CSMD1: variants seen among roughly 807,000 people sequenced by gnomAD.
CSMD1 encodes the protein CUB and sushi domain-containing protein 1.
A neutral mutation model predicts 417.5 loss-of-function variants in CSMD1; 213 were observed. The observed-to-expected ratio is 0.51, with a 90% confidence interval of 0.46 to 0.57. The LOEUF is 0.57. Ranked by LOEUF, CSMD1 falls within the 20% of genes least tolerant of loss-of-function variation. The probability of loss-of-function intolerance (pLI) is 0.00; values close to 1 mark genes in which losing one functional copy is unlikely to be tolerated. For missense variants in CSMD1, 6,923 were observed against 4,529.7 expected (o/e 1.53, Z -15.17); for synonymous variants, 2,862 against 1,736.8 (o/e 1.65, Z -16.11).
chr8:4,723,801 C>A (rs73174096), intron 1 of CSMD1, among the ~76,000 whole-genome samples: 4,249 of 96,364 alleles, frequency 0.044, 170 homozygotes, highest in East Asian at 0.12. Context: ...AAAAAAAAAA[C>A]AAAAAAAAAA....
chr8:3,872,072 C>T (rs1162573313), intron 5 of CSMD1, among the ~76,000 whole-genome samples: 1 of 152,190 alleles, frequency 6.6e-6, no homozygotes, highest in Non-Finnish European at 1.5e-5. Context: ...ATACAACCTG[C>T]TGAAAGGCCA....
intron 14 of CSMD1, 139 bp from the exon 15 acceptor site, chr8:3,406,360 A>G: frequency 6.7e-6 from 1 of 150,066 alleles, no homozygotes; most frequent in Non-Finnish European, 1.1e-5. Flanking sequence ...TGTATCATTC[A>G]TAGATAGATA....
intron 1 of CSMD1, among the ~76,000 whole-genome samples, chr8:4,907,633 C>G (rs1298295722): frequency 3.9e-5 from 6 of 152,054 alleles, no homozygotes; most frequent in African/African-American, 4.8e-5. Context: ...AAACATGGCT[C>G]ACTGCAGCCT....
intron 1 of CSMD1, among the ~76,000 whole-genome samples, chr8:4,915,230 A>ATAT (rs552566525): frequency 6.6e-6 from 1 of 152,022 alleles, no homozygotes. Flanking sequence ...CATATATATA[A>ATAT]AATATGTATA....
At chr8:3,996,342 A>G (rs781511412) in intron 5 of CSMD1, among the ~76,000 whole-genome samples, 7 of 152,234 alleles carry the variant, frequency 4.6e-5, no homozygotes, top group Non-Finnish European at 7.3e-5. Context: ...TCTGAAAACC[A>G]CAATAATTTT....
chr8:3,701,614 T>A (rs2129037194), intron 7 of CSMD1, among the ~76,000 whole-genome samples: 1 of 152,218 alleles, frequency 6.6e-6, no homozygotes, highest in African/African-American at 2.4e-5. Flanking sequence ...CAACTAAAAC[T>A]ACGAATATTA....
intron 10 of CSMD1, among the ~76,000 whole-genome samples, chr8:3,554,502 G>C (rs559719043): frequency 1.6e-4 from 24 of 152,282 alleles, no homozygotes; most frequent in African/African-American, 5.5e-4. Context: ...AGGGAAGCAA[G>C]GCCACATAAA....
intron 10 of CSMD1, among the ~76,000 whole-genome samples, chr8:3,571,598 C>A (rs1181731734): frequency 1.3e-5 from 2 of 152,086 alleles, no homozygotes; most frequent in Non-Finnish European, 2.9e-5. Context: ...CTACTGGAGG[C>A]AGCTGCAGGG....
intron 3 of CSMD1, among the ~76,000 whole-genome samples, chr8:4,147,700 G>A (rs962414399): frequency 6.6e-6 from 1 of 152,080 alleles, no homozygotes; most frequent in Non-Finnish European, 1.5e-5. Context: ...ACATCACCAT[G>A]GTCAGGTTTC....
chr8:3,268,434 G>A (rs1801596310), intron 26 of CSMD1, among the ~76,000 whole-genome samples: 3 of 151,494 alleles, frequency 2.0e-5, no homozygotes, highest in Admixed American at 1.3e-4. Context: ...GACTACAGGT[G>A]CCCGCCACCA....
chr8:3,443,008 T>C (rs896857599), intron 12 of CSMD1, among the ~76,000 whole-genome samples: 3 of 152,228 alleles, frequency 2.0e-5, no homozygotes, highest in Non-Finnish European at 4.4e-5. Flanking sequence ...TATAGGAACT[T>C]GCATATTTCT....
chr8:3,628,659 T>C (rs982016262), intron 7 of CSMD1, among the ~76,000 whole-genome samples: 2 of 151,952 alleles, frequency 1.3e-5, no homozygotes, highest in African/African-American at 2.4e-5. Flanking sequence ...GGCATGGGCA[T>C]CCTCACAGGC....
intron 1 of CSMD1, among the ~76,000 whole-genome samples, chr8:4,757,446 A>C (rs747237198): frequency 2.0e-5 from 3 of 152,156 alleles, no homozygotes; most frequent in Non-Finnish European, 4.4e-5. Flanking sequence ...GGAGAGCAGG[A>C]AGGTTAACTG....
rs984376044 is a variant in CSMD1 at position 4,385,175 on chromosome 8, G to A, written c.415+34778C>T. 1.7e-4 allele frequency among the ~76,000 whole-genome samples: 25 copies of A among 150,304 alleles called. 1 individual carries two copies. Among genetic ancestry groups the A allele is most frequent in the Admixed American group, 2.7e-4 (4 of 15,074 alleles). ...CTCCTGACCTCAGGTGATCCTCCCCGTCTCGGCGTCTTAAAGTGATGTGAT... is the reference window on the plus strand; with the variant it reads ...CTCCTGACCTCAGGTGATCCTCCCCATCTCGGCGTCTTAAAGTGATGTGAT... On this transcript the variant is annotated intron_variant, in intron 3 of 69. Coordinates refer to ENST00000635120, the MANE Select transcript of CSMD1 (RefSeq NM_033225.6).
rs182197477 is a variant in CSMD1 at position 3,901,353 on chromosome 8, A to C, written c.818+96550T>G. Among the ~76,000 whole-genome samples the C allele has an allele frequency of 1.8e-3, 268 of 152,252 alleles. 2 individuals carry two copies. Among genetic ancestry groups the C allele is most frequent in the Non-Finnish European group, 1.6e-3 (112 of 68,028 alleles). On this transcript the variant is annotated intron_variant, in intron 5 of 69. Transcript: ENST00000635120. ...CCCAATCTCCAATTTAATTTTTTTC[A>C]AAGTGTGTTGATTGGAAGTGAAGAT...
intron 18 of CSMD1, among the ~76,000 whole-genome samples, chr8:3,386,468 A>T (rs1811010253): frequency 6.6e-6 from 1 of 152,220 alleles, no homozygotes; most frequent in Non-Finnish European, 1.5e-5. Flanking sequence ...TCTCGGCCAC[A>T]GTGCCAGTTA....
At chr8:4,559,989 C>T (rs1798258130) in intron 2 of CSMD1, among the ~76,000 whole-genome samples, 1 of 152,208 alleles carries the variant, frequency 6.6e-6, no homozygotes, top group African/African-American at 2.4e-5. Context: ...CACCTCCTGG[C>T]TGTGCTTCAA....
rs143380395 is a variant in CSMD1, at chr8:4,452,597, C to T, written c.303-32532G>A. 5.3e-4 allele frequency among the ~76,000 whole-genome samples: 81 copies of T among 152,020 alleles called. 1 individual carries two copies. The highest frequency in any genetic ancestry group is 6.8e-3 in the Middle Eastern group (2 of 294). On this transcript the variant is annotated intron_variant, in intron 2 of 69. Coordinates refer to ENST00000635120, the MANE Select transcript of CSMD1 (RefSeq NM_033225.6). ...ATATTAAACATCAGAAAACCGGTAA[C>T]GAAAAAGATAATAGTTTTTATGTGA...
chr8:3,942,379 C>G (rs1810941878), intron 5 of CSMD1, among the ~76,000 whole-genome samples: 1 of 152,114 alleles, frequency 6.6e-6, no homozygotes, highest in Admixed American at 6.6e-5. Flanking sequence ...TACCTTAACC[C>G]AAGCACCTTT....
Sources: gnomAD v4.1 joint callset for allele counts (sites outside exome capture counted in the v4.1 genomes callset) on GRCh38, gnomAD v4.1.1 for gene constraint, MANE v1.5 for transcripts, NCBI Gene and HGNC (gene_info 2026-07-23, HGNC 2026-07-21) for gene names.